FAM240C: variants seen among roughly 807,000 people sequenced by gnomAD.
FAM240C encodes protein FAM240C.
In FAM240C, 14 loss-of-function variants were observed where a neutral mutation model predicts 10.0. The observed-to-expected ratio is 1.40, with a 90% CI of 0.92 to 2.19. The LOEUF (loss-of-function observed/expected upper bound fraction) is 2.19, where lower values mean the gene tolerates loss of function less well. FAM240C is among the 30% of genes most tolerant of loss of function. The pLI is 0.00. For synonymous variants in FAM240C, 49 were observed against 44.3 expected (o/e 1.11, Z -0.42); for missense variants, 154 against 122.3 (o/e 1.26, Z -1.22).
chr2:241,899,545 C>T (rs764623682), intron 1 of FAM240C, among the ~76,000 whole-genome samples: 19 of 152,222 alleles, frequency 1.2e-4, no homozygotes, highest in Non-Finnish European at 2.4e-4. Flanking sequence ...TCTGGGCAGA[C>T]GCCTCCCGGA....
intron 1 of FAM240C, chr2:241,899,015 T>C: frequency 1.2e-6 from 1 of 839,530 alleles, no homozygotes; most frequent in Non-Finnish European, 1.8e-6. Flanking sequence ...CCCCCCACTC[T>C]TCTCTCTTGC....
Position 241,894,159 on chromosome 2 carries a change from T to C in FAM240C, c.*54A>G, listed in dbSNP as rs751468689. 52 of 1,520,054 alleles carry C rather than the reference T, an allele frequency of 3.4e-5. No homozygotes were observed. The highest frequency in any genetic ancestry group is 4.4e-5 in the Non-Finnish European group (49 of 1,124,838). The allele number at this position is 1,520,054 out of a possible 1,614,324, so 94.2% of individuals were successfully genotyped here. On this transcript the variant is annotated 3_prime_UTR_variant, in exon 3 of 3. Transcript: ENST00000404031. ...GGATGCTTGGACCCCACGCGTGGTG[T>C]TCCTTCTCCATGACCCTCCGGAAGC... is the stretch of plus-strand genomic sequence containing the variant.
At position 241,900,260 on chromosome 2, in the gene FAM240C, C is replaced by T. The variant is rs1701952053; in HGVS notation, c.12+98G>A. 2.9e-6 allele frequency: 2 copies of T among 686,260 alleles called. No homozygotes were observed. The highest frequency in any genetic ancestry group is 5.5e-6 in the Non-Finnish European group (2 of 364,140). 42.5% of individuals were successfully genotyped at this position (686,260 alleles called of 1,614,324 possible). A position where few individuals can be genotyped will look rare whatever the true frequency, so the allele number is the denominator to read the frequency against. ...ATGCGGGTGGGCTCACGTCTTGTGC[C>T]AGATATGTCACATACTCTGTTCACC... On this transcript the variant is annotated intron_variant, in intron 1 of 2. Coordinates refer to ENST00000404031, the MANE Select transcript of FAM240C (RefSeq NM_001382368.1). This position sits in a 1 kb window ranked among gnomAD's most constrained non-coding sequence, Gnocchi z 4.5.
intron 2 of FAM240C, among the ~76,000 whole-genome samples, chr2:241,896,652 G>T (rs1403429300): frequency 4.5e-5 from 3 of 65,980 alleles, no homozygotes; most frequent in Admixed American, 1.9e-4. Context: ...AAGGGGTGTG[G>T]GTGAAGGGGT....
chr2:241,894,179 G>C lies in FAM240C; in HGVS notation c.*34C>G, dbSNP rs544229863. The stretch of plus-strand genomic sequence containing the variant: ...TGGTGTTCCTTCTCCATGACCCTCC[G>C]GAAGCTCATGCAGAGTCTGGAGCTC... On this transcript the variant is annotated 3_prime_UTR_variant, in exon 3 of 3. Coordinates refer to ENST00000404031, the MANE Select transcript of FAM240C (RefSeq NM_001382368.1). 6.5e-7 allele frequency: 1 copy of C among 1,534,444 alleles called. No homozygotes were observed. The highest frequency in any genetic ancestry group is 2.0e-5 in the Admixed American group (1 of 50,488).
chr2:241,897,519 C>T (rs763062800), intron 1 of FAM240C, among the ~76,000 whole-genome samples, 185 bp from the exon 2 acceptor site: 1 of 152,216 alleles, frequency 6.6e-6, no homozygotes, highest in African/African-American at 2.4e-5. Flanking sequence ...GGCTCCTGAC[C>T]GGCTCCTAAA....
chr2:241,895,047 G>A lies in FAM240C; in HGVS notation c.162-708C>T, dbSNP rs374276740. 1.1e-4 allele frequency among the ~76,000 whole-genome samples: 16 copies of A among 152,344 alleles called. No individual in the cohort carries two copies. The South Asian group carries it at 2.7e-3, about 26-fold the overall frequency. ...TTTGGCTTTAGAAGTTGGAGAGTGG[G>A]GTGGGTGCCCGGCTCCAGCCAAGGG... is the stretch of plus-strand genomic sequence containing the variant. On this transcript the variant is annotated intron_variant, in intron 2 of 2. Transcript: ENST00000404031.
chr2:241,900,206 A>G lies in FAM240C; in HGVS notation c.12+152T>C, dbSNP rs1396046650. 6.6e-6 allele frequency among the ~76,000 whole-genome samples: 1 copy of G among 152,198 alleles called. No individual in the cohort carries two copies. Among genetic ancestry groups the G allele is most frequent in the African/African-American group, 2.4e-5 (1 of 41,452 alleles). On this transcript the variant is annotated intron_variant, in intron 1 of 2. Coordinates refer to ENST00000404031, the MANE Select transcript of FAM240C (RefSeq NM_001382368.1). The surrounding 1 kb of genome is among the most constrained non-coding windows in gnomAD (Gnocchi z 4.5). ...CAGCAGGAATCCCAGTGGGAAAACA[A>G]AATTACAAAGTTCAGTTCCCCCAGC...
intron 2 of FAM240C, among the ~76,000 whole-genome samples, chr2:241,896,005 C>T (rs574691716): frequency 7.9e-5 from 12 of 152,174 alleles, no homozygotes; most frequent in African/African-American, 2.7e-4. Flanking sequence ...CGAGTGCCTG[C>T]GTGGTGCTGG....
intron 1 of FAM240C, chr2:241,899,186 C>T: frequency 7.7e-7 from 1 of 1,304,134 alleles, no homozygotes. Context: ...GTGCTGGGGA[C>T]TCCTTCGAGG....
At position 241,894,038 on chromosome 2, in the gene FAM240C, G is replaced by A; in HGVS notation, c.*175C>T. On this transcript the variant is annotated 3_prime_UTR_variant, in exon 3 of 3. Coordinates refer to ENST00000404031, the MANE Select transcript of FAM240C (RefSeq NM_001382368.1). Reference sequence around the variant, plus strand: ...CACCAGAGATGCGCTAGAGAACCCTGGGACTCTGCTGCAGCGTGGACCCCG... The same window carrying A: ...CACCAGAGATGCGCTAGAGAACCCTAGGACTCTGCTGCAGCGTGGACCCCG... 1.6e-6 allele frequency: 1 copy of A among 613,714 alleles called. No individual in the cohort carries two copies. The highest frequency in any genetic ancestry group is 2.7e-6 in the Non-Finnish European group (1 of 372,304). 38.0% of individuals were successfully genotyped at this position (613,714 alleles called of 1,614,324 possible).
intron 2 of FAM240C, among the ~76,000 whole-genome samples, chr2:241,894,583 G>T (rs1394764706): frequency 1.4e-5 from 2 of 145,444 alleles, no homozygotes; most frequent in African/African-American, 5.0e-5. Flanking sequence ...TGGGGGGGGG[G>T]GGGGGCGTCT....
chr2:241,898,941 C>A (rs1701915361), intron 1 of FAM240C, among the ~76,000 whole-genome samples: 1 of 152,194 alleles, frequency 6.6e-6, no homozygotes, highest in African/African-American at 2.4e-5. Flanking sequence ...CTGGCTGGCT[C>A]CCTTGGGGCA....
At position 241,894,269 on chromosome 2, in the gene FAM240C, C is replaced by T. The variant is rs1701732080; in HGVS notation, c.232G>A (p.Asp78Asn). The T allele has an allele frequency of 6.5e-7, 1 of 1,550,026 alleles. No homozygotes were observed. The highest frequency in any genetic ancestry group is 8.7e-7 in the Non-Finnish European group (1 of 1,146,830). Residue 78 changes from aspartate to asparagine, a missense_variant, in exon 3 of 3, where the codon GAC (aspartate) becomes AAC (asparagine). Asp to Asn is a conservative substitution (Grantham distance 23). Transcript: ENST00000404031. The stretch of plus-strand genomic sequence containing the variant: ...GACTCAGTGGCCTCCGGGACCCTGT[C>T]TGGGCATCTCCCTGGGCCCTGCAGC... ...KMLQGPGRCP[D>N]RVPEATESLH...
At chr2:241,902,534 C>CGCA (rs546138230), upstream of FAM240C, 172 of 153,430 alleles carry the variant, frequency 1.1e-3, 4 homozygotes, top group East Asian at 0.03. The surrounding 1 kb of genome is among the most constrained non-coding windows in gnomAD (Gnocchi z 7.1). Context: ...TCCTCACAGT[C>CGCA]GCAGCAGCAG....
In FAM240C at chr2:241,894,070, G is replaced by T; in HGVS notation, c.*143C>A. 2 of 932,346 alleles carry T rather than the reference G, an allele frequency of 2.1e-6. No homozygotes were observed. Among genetic ancestry groups the T allele is most frequent in the Non-Finnish European group, 3.1e-6 (2 of 643,116 alleles). The allele number at this position is 932,346 out of a possible 1,614,324, so 57.8% of individuals were successfully genotyped here. A position where few individuals can be genotyped will look rare whatever the true frequency, so the allele number is the denominator to read the frequency against. ...TGCTGCAGCGTGGACCCCGAGGTGGGATTATTACGGGGTCAGCGAGGTGCG... is the reference window on the plus strand; with the variant it reads ...TGCTGCAGCGTGGACCCCGAGGTGGTATTATTACGGGGTCAGCGAGGTGCG... On this transcript the variant is annotated 3_prime_UTR_variant, in exon 3 of 3. Transcript: ENST00000404031.
intron 2 of FAM240C, among the ~76,000 whole-genome samples, chr2:241,894,631 TC>T (rs1185157766): frequency 6.9e-6 from 1 of 145,136 alleles, no homozygotes. Context: ...AAAAATGCCT[TC>T]CCCGGGAAGC....
At chr2:241,899,425 C>T (rs1011924709) in intron 1 of FAM240C, 15 of 801,612 alleles carry the variant, frequency 1.9e-5, no homozygotes, top group Non-Finnish European at 2.1e-5. Context: ...AGGACGCTGG[C>T]GCGAATTCAG....
chr2:241,899,257 C>T (rs1347371077), intron 1 of FAM240C: 21 of 1,295,986 alleles, frequency 1.6e-5, no homozygotes, highest in South Asian at 2.5e-5. Context: ...CTGTGGCCTG[C>T]GCAGCCTGTT....
Sources: allele counts gnomAD v4.1 joint callset (sites outside exome capture counted in the v4.1 genomes callset), GRCh38; gene constraint gnomAD v4.1.1; non-coding constraint Gnocchi (gnomAD v3.1); transcripts MANE v1.5; gene names NCBI Gene and HGNC (gene_info 2026-07-23, HGNC 2026-07-21).